PATE2: variants seen among roughly 807,000 people sequenced by gnomAD.
The protein encoded by PATE2 is prostate and testis expressed protein 2.
Under a neutral mutation model 10.5 loss-of-function variants are expected in PATE2, and 7 were observed. The observed-to-expected ratio is 0.66, with a 90% confidence interval of 0.38 to 1.25. The LOEUF (loss-of-function observed/expected upper bound fraction) is 1.25, where lower values mean the gene tolerates loss of function less well. Among genes scored for constraint, PATE2 ranks in the 50% most tolerant of loss-of-function variants. The pLI, the probability that PATE2 is intolerant of heterozygous loss-of-function variation, is 0.02. For missense variants in PATE2, 133 were observed against 135.4 expected (o/e 0.98, Z 0.09); for synonymous variants, 44 against 46.9 (o/e 0.94, Z 0.25).
chr11:125,777,176 A>T lies in PATE2; in HGVS notation c.*206T>A. 1 of 524,858 alleles carries T rather than the reference A, an allele frequency of 1.9e-6. No homozygotes were observed. Among genetic ancestry groups the T allele is most frequent in the Non-Finnish European group, 3.3e-6 (1 of 300,942 alleles). The allele number at this position is 524,858 out of a possible 1,614,324, so 32.5% of individuals were successfully genotyped here. ...CCCCTCCCACCTGTTAGCGACAGGGATGTGCAAAGAGTGAGTCTAGTGCTC... is the reference window on the plus strand; with the variant it reads ...CCCCTCCCACCTGTTAGCGACAGGGTTGTGCAAAGAGTGAGTCTAGTGCTC... On this transcript the variant is annotated 3_prime_UTR_variant, in exon 4 of 4. Transcript: ENST00000358524.
chr11:125,777,636 C>A, intron 3 of PATE2, 118 bp from the exon 4 acceptor site: 1 of 1,335,958 alleles, frequency 7.5e-7, no homozygotes. Context: ...AAATGAGTTC[C>A]AAAGCTGAGT....
At position 125,778,546 on chromosome 11, in the gene PATE2, T is replaced by C. The variant is rs746430130; in HGVS notation, c.76+6A>G. ...ACCAAGGACTTCAGAGAAGCCATGA[T>C]TGTACCTTTTATAGGGTCATGAAGT... On this transcript the variant is annotated splice_donor_region_variant and intron_variant, in intron 2 of 3. Transcript: ENST00000358524. The C allele has an allele frequency of 7.4e-6, 12 of 1,613,304 alleles. No homozygotes were observed. In the East Asian group the frequency reaches 2.0e-4, roughly 27 times the overall value.
In PATE2 at chr11:125,777,294, T is replaced by C. The variant is rs1036538173; in HGVS notation, c.*88A>G. 2.0e-6 allele frequency: 3 copies of C among 1,484,414 alleles called. No individual in the cohort carries two copies. Among genetic ancestry groups the C allele is most frequent in the Non-Finnish European group, 2.8e-6 (3 of 1,082,140 alleles). The allele number at this position is 1,484,414 out of a possible 1,614,324, so 92.0% of individuals were successfully genotyped here. A position where few individuals can be genotyped will look rare whatever the true frequency, so the allele number is the denominator to read the frequency against. On this transcript the variant is annotated 3_prime_UTR_variant, in exon 4 of 4. Transcript: ENST00000358524. Reference sequence around the variant, plus strand: ...GGCTTTCTCACTCTCTACCAATGCATAGAAGAGGAGAGCAAAATTCAGGTT... The same window carrying C: ...GGCTTTCTCACTCTCTACCAATGCACAGAAGAGGAGAGCAAAATTCAGGTT...
In PATE2 at chr11:125,777,959, C is replaced by A; in HGVS notation, c.120G>T (p.Gly40=). 2.5e-6 allele frequency: 4 copies of A among 1,613,162 alleles called. No homozygotes were observed. Among genetic ancestry groups the A allele is most frequent in the Non-Finnish European group, 3.4e-6 (4 of 1,179,334 alleles). The change falls in exon 3 of 4, where the codon GGG becomes GGT. Residue 40 remains glycine (G), a synonymous_variant. Transcript: ENST00000358524. The stretch of plus-strand genomic sequence containing the variant: ...AGGATGTCATGACACCATAGCATAA[C>A]CCAAGATGATATTTTTTACATTCAT... ...MCYECKKYHL[G]LCYGVMTSCS...
chr11:125,777,968 A>G lies in PATE2; in HGVS notation c.111T>C (p.Tyr37=). 1 of 1,613,194 alleles carries G rather than the reference A, an allele frequency of 6.2e-7. No individual in the cohort carries two copies. Among genetic ancestry groups the G allele is most frequent in the Non-Finnish European group, 8.5e-7 (1 of 1,179,388 alleles). The stretch of plus-strand genomic sequence containing the variant: ...TGACACCATAGCATAACCCAAGATG[A>G]TATTTTTTACATTCATAACACATTA... ...TEIMCYECKK[Y]HLGLCYGVMT... Residue 37 remains tyrosine, a synonymous_variant, in exon 3 of 4, where the codon TAT becomes TAC. Coordinates refer to ENST00000358524, the MANE Select transcript of PATE2 (RefSeq NM_212555.3).
At position 125,777,403 on chromosome 11, in the gene PATE2, G is replaced by C. The variant is rs143593487; in HGVS notation, c.321C>G (p.Cys107Trp). The C allele has an allele frequency of 9.5e-5, 154 of 1,613,508 alleles. 1 individual carries two copies. The highest frequency in any genetic ancestry group is 1.3e-4 in the Non-Finnish European group (153 of 1,179,728). The change falls in exon 4 of 4, where the codon TGC (cysteine) becomes TGG (tryptophan). Residue 107 changes from cysteine (C) to tryptophan (W), a missense_variant. Transcript: ENST00000358524. The stretch of plus-strand genomic sequence containing the variant: ...AGAACTAAACTCCCTCAGGGAGGTT[G>C]CAGTAGTTACTATGATCACAACAGA... Reference protein sequence around the residue: ...ELICCDHSNYCNLPEGV With the variant: ...ELICCDHSNYWNLPEGV
rs143593487 is a variant in PATE2, at chr11:125,777,403, G to T, written c.321C>A (p.Cys107Ter). ...ELICCDHSNY[C>*]NLPEGV ...AGAACTAAACTCCCTCAGGGAGGTT[G>T]CAGTAGTTACTATGATCACAACAGA... The change falls in exon 4 of 4, where the codon TGC becomes TGA. Residue 107 changes from cysteine to a stop codon, truncating the protein, a stop_gained. Coordinates refer to ENST00000358524, the MANE Select transcript of PATE2 (RefSeq NM_212555.3). LOFTEE classifies it high-confidence loss of function. 2 of 1,613,628 alleles carry T rather than the reference G, an allele frequency of 1.2e-6. No homozygotes were observed. Among genetic ancestry groups the T allele is most frequent in the East Asian group, 4.5e-5 (2 of 44,860 alleles).
chr11:125,777,901 C>G lies in PATE2; in HGVS notation c.178G>C (p.Glu60Gln). Residue 60 changes from glutamate to glutamine, a missense_variant, in exon 3 of 4, where the codon GAG (glutamate) becomes CAG (glutamine). Glu to Gln is a conservative substitution (Grantham distance 29). Coordinates refer to ENST00000358524, the MANE Select transcript of PATE2 (RefSeq NM_212555.3). Reference sequence around the variant, plus strand: ...TTCCTTGTAAGGATGTAAAAGTTCTCAACTGCACAGGACTGTTTATGCTTC... The same window carrying G: ...TTCCTTGTAAGGATGTAAAAGTTCTGAACTGCACAGGACTGTTTATGCTTC... ...SLKHKQSCAV[E>Q]NFYILTRKGQ... 6.2e-7 allele frequency: 1 copy of G among 1,613,376 alleles called. No individual in the cohort carries two copies. Among genetic ancestry groups the G allele is most frequent in the African/African-American group, 1.3e-5 (1 of 74,998 alleles).
rs973745201 is a variant in PATE2 at position 125,776,182 on chromosome 11, A to T, written c.*1200T>A. 4.0e-5 allele frequency: 6 copies of T among 151,434 alleles called. No individual in the cohort carries two copies. The highest frequency in any genetic ancestry group is 2.1e-4 in the South Asian group (1 of 4,802). The allele number at this position is 151,434 out of a possible 1,614,324, so 9.4% of individuals were successfully genotyped here. On this transcript the variant is annotated 3_prime_UTR_variant, in exon 4 of 4. Coordinates refer to ENST00000358524, the MANE Select transcript of PATE2 (RefSeq NM_212555.3). ...TTTTCTGGCCTTTATTTATTTATTT[A>T]TTTTTTTATTTTACTTTAAGTTCTG...
At chr11:125,778,084 ATTC>A in intron 2 of PATE2, 82 bp from the exon 3 acceptor site, 1 of 1,467,324 alleles carries the variant, frequency 6.8e-7, no homozygotes, top group Non-Finnish European at 9.3e-7. Flanking sequence ...ACAGGACCTT[ATTC>A]TTGCCTAGTG....
intron 3 of PATE2, among the ~76,000 whole-genome samples, 154 bp downstream of exon 3, chr11:125,777,720 T>C (rs1943499378): frequency 6.6e-6 from 1 of 152,054 alleles, no homozygotes; most frequent in African/African-American, 2.4e-5. Flanking sequence ...TTTCACTCAA[T>C]ATGGTCTTAG....
Position 125,778,648 on chromosome 11 carries a change from A to G in PATE2, c.53-73T>C, listed in dbSNP as rs1943509818. On this transcript the variant is annotated intron_variant, in intron 1 of 3. Transcript: ENST00000358524. ...GCCACTGCCCCAAGAGCCAATTTTG[A>G]AAACTTTCTCTTCCCCCAGCATCTG... 4 of 1,612,302 alleles carry G rather than the reference A, an allele frequency of 2.5e-6. No homozygotes were observed. In the African/African-American group the frequency reaches 4.0e-5, roughly 16 times the overall value.
rs572731012 is a variant in PATE2, at chr11:125,778,578, G to A, written c.53-3C>T. On this transcript the variant is annotated splice_polypyrimidine_tract_variant and splice_region_variant and intron_variant, in intron 1 of 3. Transcript: ENST00000358524. Reference sequence around the variant, plus strand: ...TTTTATAGGGTCATGAAGTTCACCTGTGAAAAGAAGAAAAACCTTCCATGT... The same window carrying A: ...TTTTATAGGGTCATGAAGTTCACCTATGAAAAGAAGAAAAACCTTCCATGT... 1 of 1,613,462 alleles carries A rather than the reference G, an allele frequency of 6.2e-7. No individual in the cohort carries two copies. Among genetic ancestry groups the A allele is most frequent in the South Asian group, 1.1e-5 (1 of 91,074 alleles).
rs1382357973 is a variant in PATE2 at position 125,776,832 on chromosome 11, T to C, written c.*550A>G. 6.6e-6 allele frequency: 1 copy of C among 152,404 alleles called. No individual in the cohort carries two copies. The highest frequency in any genetic ancestry group is 1.5e-5 in the Non-Finnish European group (1 of 68,250). The allele number at this position is 152,404 out of a possible 1,614,324, so 9.4% of individuals were successfully genotyped here. ...GCTCATCCCTATGTCTGTTCAGTTTTTTTTTTTCTGCCCTGAGGTTCCCCC... is the reference window on the plus strand; with the variant it reads ...GCTCATCCCTATGTCTGTTCAGTTTCTTTTTTTCTGCCCTGAGGTTCCCCC... On this transcript the variant is annotated 3_prime_UTR_variant, in exon 4 of 4. Transcript: ENST00000358524.
intron 2 of PATE2, 99 bp from the exon 3 acceptor site, chr11:125,778,101 C>T: frequency 7.4e-7 from 1 of 1,354,430 alleles, no homozygotes; most frequent in Non-Finnish European, 1.0e-6. Context: ...CCTAGTGGTT[C>T]CTAACATTTT....
chr11:125,778,464 G>T, intron 2 of PATE2, 88 bp downstream of exon 2: 1 of 1,367,784 alleles, frequency 7.3e-7, no homozygotes, highest in Admixed American at 1.8e-5. Flanking sequence ...TGGATTACAG[G>T]CCTCTCTGAA....
chr11:125,778,729 T>TA lies in PATE2; in HGVS notation c.44_45insT (p.Tyr16IlefsTer4), dbSNP rs753559795. On this transcript the variant is annotated frameshift_variant, in exon 1 of 4. Transcript: ENST00000358524. LOFTEE classifies it high-confidence loss of function. ...TCTGTCTCCAGGACTTACCCCAATA[T>TA]GGGCAGAGCAGAAAGACTGTGCCCA... is the stretch of plus-strand genomic sequence containing the variant. 1 of 1,613,558 alleles carries TA rather than the reference T, an allele frequency of 6.2e-7. No homozygotes were observed. The highest frequency in any genetic ancestry group is 8.5e-7 in the Non-Finnish European group (1 of 1,179,694).
In PATE2 at chr11:125,777,896, G is replaced by C; in HGVS notation, c.183C>G (p.Asn61Lys). Residue 61 changes from asparagine to lysine, a missense_variant, in exon 3 of 4, where the codon AAC becomes AAG. Physicochemically the swap from Asn to Lys is moderately conservative, Grantham distance 94. Coordinates refer to ENST00000358524, the MANE Select transcript of PATE2 (RefSeq NM_212555.3). Reference protein sequence around the residue: ...LKHKQSCAVENFYILTRKGQS... With the variant: ...LKHKQSCAVEKFYILTRKGQS... ...TACCTTTCCTTGTAAGGATGTAAAA[G>C]TTCTCAACTGCACAGGACTGTTTAT... 1 of 1,613,374 alleles carries C rather than the reference G, an allele frequency of 6.2e-7. No individual in the cohort carries two copies. The highest frequency in any genetic ancestry group is 1.7e-4 in the Middle Eastern group (1 of 6,052).
At position 125,778,707 on chromosome 11, in the gene PATE2, G is replaced by C. The variant is rs1943510508; in HGVS notation, c.52+15C>G. On this transcript the variant is annotated intron_variant, in intron 1 of 3. Coordinates refer to ENST00000358524, the MANE Select transcript of PATE2 (RefSeq NM_212555.3). ...TTAACCAACCACCAGCTTCCCCTCTGTCTCCAGGACTTACCCCAATATGGG... is the reference window on the plus strand; with the variant it reads ...TTAACCAACCACCAGCTTCCCCTCTCTCTCCAGGACTTACCCCAATATGGG... 1.4e-5 allele frequency: 23 copies of C among 1,613,360 alleles called. No homozygotes were observed. The highest frequency in any genetic ancestry group is 1.6e-5 in the Non-Finnish European group (19 of 1,179,680).
Sources: allele counts gnomAD v4.1 joint callset (sites outside exome capture counted in the v4.1 genomes callset), GRCh38; gene constraint gnomAD v4.1.1; transcripts MANE v1.5; gene names NCBI Gene and HGNC (gene_info 2026-07-23, HGNC 2026-07-21).